Variants in SBSN observed in about 807,000 individuals in gnomAD.
SBSN encodes suprabasin, also known as HLAR698.
In SBSN, 33 loss-of-function variants were observed where a neutral mutation model predicts 42.8. The ratio of observed to expected loss-of-function variants is 0.77; its 90% confidence interval spans 0.58 to 1.03. SBSN has a LOEUF of 1.03. Ranked by LOEUF, SBSN falls within the 50% of genes least tolerant of loss-of-function variation. The pLI is 0.00. For missense variants in SBSN, 646 were observed against 757.3 expected (o/e 0.85, Z 1.72); for synonymous variants, 276 against 307.0 (o/e 0.90, Z 1.06).
Position 35,527,156 on chromosome 19 carries a change from C to G in SBSN, c.1126G>C (p.Val376Leu), listed in dbSNP as rs1342358791. ...TCTGCTTCCTTCCAGGCCTCATTAA[C>G]CCCATGGTGGACCCCATGGCCGAGC... is the stretch of plus-strand genomic sequence containing the variant. ...EKLGHGVHHG[V>L]NEAWKEAEKF... The change falls in exon 1 of 4, where the codon GTT becomes CTT. Residue 376 changes from valine to leucine, a missense_variant. Transcript: ENST00000452271. The G allele has an allele frequency of 2.0e-6, 3 of 1,536,240 alleles. No individual in the cohort carries two copies. The highest frequency in any genetic ancestry group is 2.0e-5 in the Admixed American group (1 of 50,798).
intron 1 of SBSN, among the ~76,000 whole-genome samples, chr19:35,525,639 G>A (rs78753260): frequency 0.017 from 2,608 of 152,182 alleles, 31 homozygotes; most frequent in Non-Finnish European, 0.025. Flanking sequence ...TGTGAGTGGT[G>A]CTATTTGCCT....
Position 35,527,939 on chromosome 19 carries a change from G to A in SBSN, c.343C>T (p.Leu115Phe), listed in dbSNP as rs1195982411. Residue 115 changes from leucine to phenylalanine, a missense_variant, in exon 1 of 4, where the codon CTT becomes TTT. Around this residue, in one of 3 missense-constraint regions of SBSN, gnomAD observed 190 missense variants for 197.1 expected, o/e 0.96. Coordinates refer to ENST00000452271, the MANE Select transcript of SBSN (RefSeq NM_001166034.2). ...GCAGCGTTGTTGACCCCATGGCCAAGCTTCTCTGCTTCCTTTCCTGCTTGT... is the reference window on the plus strand; with the variant it reads ...GCAGCGTTGTTGACCCCATGGCCAAACTTCTCTGCTTCCTTTCCTGCTTGT... ...IGQAGKEAEK[L>F]GHGVNNAAGQ... is the part of the protein sequence containing the mutation. 7 of 1,613,988 alleles carry A rather than the reference G, an allele frequency of 4.3e-6. No homozygotes were observed. The highest frequency in any genetic ancestry group is 2.2e-5 in the East Asian group (1 of 44,884).
Position 35,523,407 on chromosome 19 carries a change from T to A in SBSN, c.*103A>T, listed in dbSNP as rs2071333250. Reference sequence around the variant, plus strand: ...ATTCACAAATCCCAGTACAACCCCCTTCAGGGATTTCAGAAACCTGTCCCC... The same window carrying A: ...ATTCACAAATCCCAGTACAACCCCCATCAGGGATTTCAGAAACCTGTCCCC... On this transcript the variant is annotated 3_prime_UTR_variant, in exon 4 of 4. Transcript: ENST00000452271. The A allele has an allele frequency of 1.8e-6, 2 of 1,141,498 alleles. No homozygotes were observed. The highest frequency in any genetic ancestry group is 2.7e-6 in the Non-Finnish European group (2 of 752,706). The allele number at this position is 1,141,498 out of a possible 1,614,324, so 70.7% of individuals were successfully genotyped here.
Position 35,527,528 on chromosome 19 carries a change from G to A in SBSN, c.754C>T (p.Gln252Ter). 1 of 1,525,520 alleles carries A rather than the reference G, an allele frequency of 6.6e-7. No homozygotes were observed. Among genetic ancestry groups the A allele is most frequent in the Middle Eastern group, 1.7e-4 (1 of 5,932 alleles). The allele number at this position is 1,525,520 out of a possible 1,614,324, so 94.5% of individuals were successfully genotyped here. A position where few individuals can be genotyped will look rare whatever the true frequency, so the allele number is the denominator to read the frequency against. The change falls in exon 1 of 4, where the codon CAG becomes TAG. Residue 252 changes from glutamine (Q) to a stop codon, truncating the protein, a stop_gained. Transcript: ENST00000452271. LOFTEE classifies it high-confidence loss of function. ...FGQGAHHAAG[Q>*]AGNEAGRFGQ... ...AATCTCCCTGCCTCATTTCCGGCCT[G>A]CCCCGCAGCATGGTGGGCCCCCTGG...
At chr19:35,525,331 A>G (rs535653795) in intron 1 of SBSN, among the ~76,000 whole-genome samples, 4 of 152,158 alleles carry the variant, frequency 2.6e-5, no homozygotes, top group Non-Finnish European at 5.9e-5. Context: ...CCAGACACTC[A>G]GCCATGCACC....
chr19:35,527,992 A>T lies in SBSN; in HGVS notation c.290T>A (p.Val97Asp). Residue 97 changes from valine (V) to aspartate (D), a missense_variant, in exon 1 of 4, where the codon GTT (valine) becomes GAT (aspartate). By Grantham distance (152) the Val-to-Asp change is radical. Around this residue, in one of 3 missense-constraint regions of SBSN, gnomAD observed 190 missense variants for 197.1 expected, o/e 0.96. Transcript: ENST00000452271. ...AATACCATGGTTGATCTCATGGGCA[A>T]CCTTGTCCATGCCGTGGTTGAGCCC... ...VQGLNHGMDK[V>D]AHEINHGIGQ... 2 of 1,613,838 alleles carry T rather than the reference A, an allele frequency of 1.2e-6. No homozygotes were observed. Among genetic ancestry groups the T allele is most frequent in the Non-Finnish European group, 8.5e-7 (1 of 1,180,018 alleles).
intron 3 of SBSN, 147 bp downstream of exon 3, chr19:35,524,564 C>G (rs1251273957): frequency 1.4e-6 from 1 of 734,494 alleles, no homozygotes; most frequent in Non-Finnish European, 2.3e-6. Context: ...AGAGGGAAGC[C>G]CAGGACTGGG....
rs2071375692 is a variant in SBSN, at chr19:35,526,708, T to A, written c.1574A>T (p.Lys525Met). ...GAHHAAGQAG[K>M]ELQNAHNGVN... ...CCCATTATGAGCATTCTGCAGCTCC[T>A]TCCCGGCCTGGCCAGCAGCATGGTG... The change falls in exon 1 of 4, where the codon AAG (lysine) becomes ATG (methionine). Residue 525 changes from lysine (K) to methionine (M), a missense_variant. Around this residue, in one of 3 missense-constraint regions of SBSN, gnomAD observed 236 missense variants for 225.6 expected, o/e 1.05. Coordinates refer to ENST00000452271, the MANE Select transcript of SBSN (RefSeq NM_001166034.2). The A allele has an allele frequency of 6.2e-7, 1 of 1,607,728 alleles. No homozygotes were observed. The highest frequency in any genetic ancestry group is 1.3e-5 in the African/African-American group (1 of 74,168).
Position 35,526,633 on chromosome 19 carries a change from T to C in SBSN, c.1638+11A>G, listed in dbSNP as rs1249402592. On this transcript the variant is annotated intron_variant, in intron 1 of 3. Coordinates refer to ENST00000452271, the MANE Select transcript of SBSN (RefSeq NM_001166034.2). ...CCCCTGTCCCCCATCTCCCCATCCC[T>C]GTTCACCTACATTCAGCAGCTGGTT... 10 of 490,458 alleles carry C rather than the reference T, an allele frequency of 2.0e-5. No homozygotes were observed. In the African/African-American group the frequency reaches 4.1e-4, roughly 20 times the overall value. 30.4% of individuals were successfully genotyped at this position (490,458 alleles called of 1,614,324 possible). A position where few individuals can be genotyped will look rare whatever the true frequency, so the allele number is the denominator to read the frequency against.
intron 3 of SBSN, 109 bp from the exon 4 acceptor site, chr19:35,523,642 G>T: frequency 9.2e-7 from 1 of 1,085,744 alleles, no homozygotes; most frequent in Non-Finnish European, 1.4e-6. Flanking sequence ...GGCTGCTCTG[G>T]CCCCGGAGTT....
chr19:35,524,442 C>A (rs2071345154), intron 3 of SBSN, among the ~76,000 whole-genome samples: 1 of 152,040 alleles, frequency 6.6e-6, no homozygotes, highest in South Asian at 2.1e-4. Context: ...CCCTGGCTCC[C>A]AGGGGCACCA....
intron 3 of SBSN, 83 bp downstream of exon 3, chr19:35,524,628 G>T: frequency 6.7e-7 from 1 of 1,497,150 alleles, no homozygotes; most frequent in Non-Finnish European, 9.3e-7. Context: ...CCGGGGAGCT[G>T]TCCAAACAGA....
Position 35,527,186 on chromosome 19 carries a change from C to T in SBSN, c.1096G>A (p.Glu366Lys), listed in dbSNP as rs1180551524. 6.5e-7 allele frequency: 1 copy of T among 1,535,818 alleles called. No individual in the cohort carries two copies. Among genetic ancestry groups the T allele is most frequent in the South Asian group, 1.2e-5 (1 of 83,974 alleles). The change falls in exon 1 of 4, where the codon GAG (glutamate) becomes AAG (lysine). Residue 366 changes from glutamate to lysine, a missense_variant. Coordinates refer to ENST00000452271, the MANE Select transcript of SBSN (RefSeq NM_001166034.2). Reference protein sequence around the residue: ...HAASQFGKETEKLGHGVHHGV... With the variant: ...HAASQFGKETKKLGHGVHHGV... ...TGGTGGACCCCATGGCCGAGCTTCT[C>T]TGTTTCCTTCCCAAACTGACTGGCA...
rs750856369 is a variant in SBSN, at chr19:35,526,814, C to T, written c.1468G>A (p.Glu490Lys). 3 of 1,613,930 alleles carry T rather than the reference C, an allele frequency of 1.9e-6. No individual in the cohort carries two copies. Among genetic ancestry groups the T allele is most frequent in the Non-Finnish European group, 2.5e-6 (3 of 1,179,964 alleles). Residue 490 changes from glutamate (E) to lysine (K), a missense_variant, in exon 1 of 4, where the codon GAA becomes AAA. By Grantham distance (56) the Glu-to-Lys change is moderately conservative. Coordinates refer to ENST00000452271, the MANE Select transcript of SBSN (RefSeq NM_001166034.2). ...FHTGVHQAGK[E>K]AEKLGQGVNH... The stretch of plus-strand genomic sequence containing the variant: ...ACCCCTTGGCCAAGTTTCTCTGCTT[C>T]CTTCCCAGCCTGGTGGACCCCAGTG...
chr19:35,527,001 G>C lies in SBSN; in HGVS notation c.1281C>G (p.His427Gln). Residue 427 changes from histidine (H) to glutamine (Q), a missense_variant, in exon 1 of 4, where the codon CAC becomes CAG. Physicochemically the swap from His to Gln is conservative, Grantham distance 24. Around this residue, in one of 3 missense-constraint regions of SBSN, gnomAD observed 236 missense variants for 225.6 expected, o/e 1.05. Coordinates refer to ENST00000452271, the MANE Select transcript of SBSN (RefSeq NM_001166034.2). ...REAGQFGHDI[H>Q]HTAGQAGKEG... ...CTTTCCCAGCCTGCCCTGCTGTGTGGTGAATGTCGTGGCCAAACTGCCCCG... is the reference window on the plus strand; with the variant it reads ...CTTTCCCAGCCTGCCCTGCTGTGTGCTGAATGTCGTGGCCAAACTGCCCCG... 6.5e-7 allele frequency: 1 copy of C among 1,546,478 alleles called. No individual in the cohort carries two copies. The highest frequency in any genetic ancestry group is 8.7e-7 in the Non-Finnish European group (1 of 1,146,698).
At chr19:35,525,434 C>T (rs908245888) in intron 1 of SBSN, among the ~76,000 whole-genome samples, 46 of 152,080 alleles carry the variant, frequency 3.0e-4, no homozygotes, top group African/African-American at 1.1e-3. Context: ...CTGCCGTGCC[C>T]GCTCCTCTGC....
Position 35,526,854 on chromosome 19 carries a change from C to T in SBSN, c.1428G>A (p.Ala476=), listed in dbSNP as rs143996088. 5.1e-5 allele frequency: 83 copies of T among 1,612,714 alleles called. No homozygotes were observed. The highest frequency in any genetic ancestry group is 2.8e-4 in the African/African-American group (21 of 74,420). Residue 476 remains alanine, a synonymous_variant, in exon 1 of 4, where the codon GCG becomes GCA. Transcript: ENST00000452271. The part of the protein sequence containing the change: ...LEQAGKEADK[A]VQGFHTGVHQ... Reference sequence around the variant, plus strand: ...GGACCCCAGTGTGGAACCCTTGGACCGCTTTGTCTGCTTCCTTCCCGGCCT... The same window carrying T: ...GGACCCCAGTGTGGAACCCTTGGACTGCTTTGTCTGCTTCCTTCCCGGCCT...
At chr19:35,526,148 G>C (rs2071367327) in intron 1 of SBSN, among the ~76,000 whole-genome samples, 1 of 152,196 alleles carries the variant, frequency 6.6e-6, no homozygotes, top group Non-Finnish European at 1.5e-5. Context: ...TTCCTTATCT[G>C]AGAATCAGGG....
At chr19:35,526,516 A>G in intron 1 of SBSN, 128 bp downstream of exon 1, 1 of 866,814 alleles carries the variant, frequency 1.2e-6, no homozygotes, top group Admixed American at 2.8e-5. Context: ...CCAGTGATAT[A>G]GCTGCCCAAG....
Sources: gnomAD v4.1 joint callset for allele counts (sites outside exome capture counted in the v4.1 genomes callset) on GRCh38, gnomAD v4.1.1 for gene constraint, gnomAD v4.1.1 regional missense constraint, MANE v1.5 for transcripts, NCBI Gene and HGNC (gene_info 2026-07-23, HGNC 2026-07-21) for gene names.